The following UNC13C variants were observed in gnomAD, a reference collection of about 807,000 sequenced individuals.
UNC13C encodes the protein protein unc-13 homolog C.
Under a neutral mutation model 245.4 loss-of-function variants are expected in UNC13C, and 174 were observed. The observed-to-expected ratio is 0.71, with a 90% CI of 0.63 to 0.80. The LOEUF is 0.80. Among genes scored for constraint, UNC13C ranks in the 30% least tolerant of loss-of-function variants. The pLI is 0.00. For synonymous variants in UNC13C, 992 were observed against 895.1 expected (o/e 1.11, Z -1.93); for missense variants, 2,829 against 2,602.9 (o/e 1.09, Z -1.89).
At chr15:53,963,393 G>A in the UNC13C span, among the ~76,000 whole-genome samples, 1 of 152,234 alleles carries the variant, frequency 6.6e-6, no homozygotes, top group Admixed American at 6.5e-5. Flanking sequence ...AGCCTGCCTG[G>A]GTTTGAACCC....
intron 4 of UNC13C, among the ~76,000 whole-genome samples, chr15:54,167,618 A>G (rs1468154668): frequency 1.3e-5 from 2 of 149,100 alleles, no homozygotes; most frequent in Non-Finnish European, 3.0e-5. Context: ...AAAAAAAAAA[A>G]AAAAAAGAAA....
the UNC13C span, among the ~76,000 whole-genome samples, chr15:53,961,158 C>T: frequency 6.1e-3 from 927 of 152,278 alleles, 3 homozygotes; most frequent in African/African-American, 0.021. Flanking sequence ...GAACAATTTC[C>T]GGAGCTCTCT....
chr15:54,455,523 C>CT (rs376576049), intron 19 of UNC13C, among the ~76,000 whole-genome samples: 1,540 of 126,866 alleles, frequency 0.012, 20 homozygotes, highest in African/African-American at 0.037. Context: ...CCAACATCTG[C>CT]TTTTTTTTTT....
chr15:53,873,137 GT>G, the UNC13C span, among the ~76,000 whole-genome samples: 10 of 87,196 alleles, frequency 1.1e-4, no homozygotes, highest in Non-Finnish European at 1.5e-4. Context: ...ACAGGGACAC[GT>G]TTTTTTTTTT....
chr15:54,394,045 A>T (rs1207405350), intron 18 of UNC13C, among the ~76,000 whole-genome samples: 1 of 151,916 alleles, frequency 6.6e-6, no homozygotes, highest in Non-Finnish European at 1.5e-5. Context: ...ACAAACAATG[A>T]AGTAGAACAG....
intron 2 of UNC13C, among the ~76,000 whole-genome samples, chr15:54,084,372 G>A (rs1899123627): frequency 6.6e-6 from 1 of 152,174 alleles, no homozygotes; most frequent in African/African-American, 2.4e-5. Flanking sequence ...GAGTATATGA[G>A]TTGTCTTTAT....
At chr15:54,493,518 C>G (rs949206931) in intron 19 of UNC13C, among the ~76,000 whole-genome samples, 1 of 151,964 alleles carries the variant, frequency 6.6e-6, no homozygotes. Flanking sequence ...GGATTTTAGT[C>G]CCTCTATATT....
intron 2 of UNC13C, among the ~76,000 whole-genome samples, chr15:54,105,199 C>T (rs1900376707): frequency 6.6e-6 from 1 of 152,162 alleles, no homozygotes; most frequent in African/African-American, 2.4e-5. Context: ...TATAGCTTCT[C>T]AGAGTTAATT....
the UNC13C span, among the ~76,000 whole-genome samples, chr15:53,951,816 C>T: frequency 1.4e-4 from 21 of 152,262 alleles, no homozygotes; most frequent in Non-Finnish European, 1.6e-4. Context: ...ACCTTTCCTC[C>T]TAGGACATTT....
At chr15:53,944,860 G>T in the UNC13C span, among the ~76,000 whole-genome samples, 1 of 152,112 alleles carries the variant, frequency 6.6e-6, no homozygotes, top group Non-Finnish European at 1.5e-5. Flanking sequence ...TTTGATGGTT[G>T]AATTAAGTTA....
chr15:54,424,508 G>C (rs1454419368), intron 19 of UNC13C, among the ~76,000 whole-genome samples: 3 of 151,812 alleles, frequency 2.0e-5, no homozygotes, highest in East Asian at 3.9e-4. Flanking sequence ...TTTTAAGTGC[G>C]ACCTGGCTGC....
chr15:54,110,458 C>A (rs1220040994), intron 2 of UNC13C, among the ~76,000 whole-genome samples: 1 of 152,068 alleles, frequency 6.6e-6, no homozygotes, highest in East Asian at 1.9e-4. Flanking sequence ...CAAATTCTGT[C>A]TTCAGTGTAT....
At chr15:53,918,081 G>A in the UNC13C span, among the ~76,000 whole-genome samples, 1 of 152,170 alleles carries the variant, frequency 6.6e-6, no homozygotes, top group Non-Finnish European at 1.5e-5. Flanking sequence ...TCTCCTGCCA[G>A]AATTTTATTT....
intron 15 of UNC13C, among the ~76,000 whole-genome samples, chr15:54,333,414 T>C (rs1409244555): frequency 6.6e-6 from 1 of 151,964 alleles, no homozygotes; most frequent in African/African-American, 2.4e-5. Context: ...CTTGAGAAAA[T>C]CATGAAAATT....
chr15:54,333,078 T>C (rs2140996641), intron 15 of UNC13C, among the ~76,000 whole-genome samples: 1 of 152,170 alleles, frequency 6.6e-6, no homozygotes, highest in East Asian at 1.9e-4. Flanking sequence ...TTCAAGTTCA[T>C]GAATATCTCG....
the UNC13C span, among the ~76,000 whole-genome samples, chr15:53,873,931 C>CCTTT: frequency 7.6e-6 from 1 of 131,988 alleles, no homozygotes; most frequent in African/African-American, 3.1e-5. Context: ...TTTCTTCCTT[C>CCTTT]CTTCCTTCCT....
chr15:54,179,826 A>C (rs569193658), intron 4 of UNC13C, among the ~76,000 whole-genome samples: 1 of 152,108 alleles, frequency 6.6e-6, no homozygotes, highest in Non-Finnish European at 1.5e-5. Context: ...ATAAGAAATG[A>C]TCACAACAAA....
intron 2 of UNC13C, among the ~76,000 whole-genome samples, chr15:54,056,063 G>A (rs547756872): frequency 3.3e-5 from 5 of 152,126 alleles, no homozygotes; most frequent in Admixed American, 2.0e-4. Context: ...TTAACATCCA[G>A]CTGAGGAACG....
the UNC13C span, among the ~76,000 whole-genome samples, chr15:53,857,958 C>T: frequency 6.6e-6 from 1 of 152,130 alleles, no homozygotes; most frequent in African/African-American, 2.4e-5. Context: ...ATTTCATTCC[C>T]TAAGGTAGTT....
Sources: gnomAD v4.1 joint callset for allele counts (sites outside exome capture counted in the v4.1 genomes callset) on GRCh38, gnomAD v4.1.1 for gene constraint, MANE v1.5 for transcripts, NCBI Gene and HGNC (gene_info 2026-07-23, HGNC 2026-07-21) for gene names.